Variants in BCORL1 observed in about 807,000 individuals in gnomAD.
BCORL1 encodes BCL6 corepressor like 1.
A neutral mutation model predicts 87.6 loss-of-function variants in BCORL1; 7 were observed. The observed-to-expected ratio is 0.08, with a 90% CI of 0.05 to 0.15. BCORL1 has a LOEUF of 0.15. Ranked by LOEUF, BCORL1 falls within the 10% of genes least tolerant of loss-of-function variation. BCORL1 has a pLI of 1.00. For missense variants in BCORL1, 1,215 were observed against 1,499.7 expected (o/e 0.81, Z 3.13); for synonymous variants, 591 against 634.4 (o/e 0.93, Z 1.03).
chrX:130,034,935 A>G (rs1930846419), intron 9 of BCORL1, among the ~76,000 whole-genome samples: 1 of 111,778 alleles, frequency 8.9e-6, no homozygotes, highest in Non-Finnish European at 1.9e-5. Flanking sequence ...ATTTTTGGAT[A>G]TCCACGTTGT....
chrX:129,997,690 G>T (rs1256700193), intron 1 of BCORL1, among the ~76,000 whole-genome samples: 1 of 106,167 alleles, frequency 9.4e-6, no homozygotes, highest in Non-Finnish European at 1.9e-5. Context: ...TACTCAGGAG[G>T]CTGAGACAGG....
chrX:129,984,397 G>C (rs2124294843), intron 1 of BCORL1, among the ~76,000 whole-genome samples: 1 of 109,720 alleles, frequency 9.1e-6, no homozygotes, highest in Non-Finnish European at 1.9e-5. Flanking sequence ...ACGACGACGA[G>C]GAGCCCCGGG....
rs1260566415 is a variant in BCORL1, at chrX:130,014,990, C to T, written c.2218C>T (p.Arg740Cys). 4 of 1,209,867 alleles carry T rather than the reference C, an allele frequency of 3.3e-6. No homozygotes were observed. Among genetic ancestry groups the T allele is most frequent in the Non-Finnish European group, 3.4e-6 (3 of 895,201 alleles). ...CAAAGACCCCAACCTGGGCCTCAACCGTGACCCCCGCCATCTCCCCAAGCA... is the reference window on the plus strand; with the variant it reads ...CAAAGACCCCAACCTGGGCCTCAACTGTGACCCCCGCCATCTCCCCAAGCA... ...LNKDPNLGLN[R>C]DPRHLPKQEP... The change falls in exon 4 of 14, where the codon CGT becomes TGT. Residue 740 changes from arginine (R) to cysteine (C), a missense_variant. Coordinates refer to ENST00000540052, the MANE Select transcript of BCORL1 (RefSeq NM_001379451.1).
At chrX:130,009,812 G>C (rs1329848141) in intron 2 of BCORL1, among the ~76,000 whole-genome samples, 1 of 111,055 alleles carries the variant, frequency 9.0e-6, no homozygotes, top group Non-Finnish European at 1.9e-5. Flanking sequence ...ACTGAAGCCT[G>C]CTATGACCTC....
In BCORL1 at chrX:130,013,002, A is replaced by T. The variant is rs756903033; in HGVS notation, c.230A>T (p.Asp77Val). The T allele has an allele frequency of 4.1e-6, 5 of 1,205,839 alleles. No individual in the cohort carries two copies. In the Admixed American group the frequency reaches 8.8e-5, roughly 21 times the overall value. The change falls in exon 4 of 14, where the codon GAT becomes GTT. Residue 77 changes from aspartate (D) to valine (V), a missense_variant. Transcript: ENST00000540052. The part of the protein sequence containing the change: ...SGSNARGADP[D>V]GSATEKLGHK... The stretch of plus-strand genomic sequence containing the variant: ...AGCAATGCCCGGGGGGCAGACCCAG[A>T]TGGCAGTGCTACAGAAAAACTTGGG...
Position 129,999,690 on chromosome X carries a change from C to A in BCORL1, c.-44-5498C>A, listed in dbSNP as rs182510085. Among the ~76,000 whole-genome samples, 341 of 101,497 alleles carry A rather than the reference C, an allele frequency of 3.4e-3. 3 individuals are homozygous for A. The highest frequency in any genetic ancestry group is 0.012 in the African/African-American group (324 of 26,843). 88.1% of individuals were successfully genotyped at this position (101,497 alleles called of 115,157 possible). On this transcript the variant is annotated intron_variant, in intron 1 of 13. Transcript: ENST00000540052. The stretch of plus-strand genomic sequence containing the variant: ...TGAGTCCTCTAATTCTTTTTCCCCC[C>A]CCCCAGACAGAGTCTTAACTGTCGC...
Position 130,051,917 on chromosome X carries a change from A to C in BCORL1, c.4976A>C (p.Gln1659Pro), listed in dbSNP as rs373569866. Residue 1659 changes from glutamine (Q) to proline (P), a missense_variant, in exon 13 of 14, where the codon CAA becomes CCA. Transcript: ENST00000540052. ...CATAATCCTCCTGGGAGCTCAGATC[A>C]AGAAGGAGACGATCCGATGGAGGAG... ...LLHNPPGSSDQEGDDPMEEDD... is the reference protein window; with the variant it reads ...LLHNPPGSSDPEGDDPMEEDD... 282 of 1,207,612 alleles carry C rather than the reference A, an allele frequency of 2.3e-4. 2 individuals are homozygous for C. In the South Asian group the frequency reaches 4.8e-3, roughly 20 times the overall value.
chrX:130,013,045 G>A lies in BCORL1; in HGVS notation c.273G>A (p.Lys91=), dbSNP rs1318423441. ...TEKLGHKSED[K]PDDPQPKMDY... The stretch of plus-strand genomic sequence containing the variant: ...AACTTGGGCACAAGTCAGAAGACAA[G>A]CCTGACGATCCCCAGCCAAAAATGG... Residue 91 remains lysine (K), a synonymous_variant, in exon 4 of 14, where the codon AAG becomes AAA. Transcript: ENST00000540052. The A allele has an allele frequency of 8.3e-7, 1 of 1,209,773 alleles. No homozygotes were observed. The highest frequency in any genetic ancestry group is 1.1e-6 in the Non-Finnish European group (1 of 894,475).
intron 8 of BCORL1, among the ~76,000 whole-genome samples, chrX:130,032,308 G>T (rs923598483): frequency 9.0e-6 from 1 of 111,081 alleles, no homozygotes; most frequent in Non-Finnish European, 1.9e-5. Context: ...TAGCTTGCTC[G>T]CATGGCTGGC....
chrX:130,011,262 G>A (rs878883560), intron 2 of BCORL1, among the ~76,000 whole-genome samples: 3 of 109,669 alleles, frequency 2.7e-5, no homozygotes, highest in Non-Finnish European at 5.7e-5. Flanking sequence ...TTTTGAGACA[G>A]GGTCTCACTC....
chrX:130,052,084 C>G (rs1332425568), intron 13 of BCORL1, 68 bp downstream of exon 13: 33 of 1,048,625 alleles, frequency 3.1e-5, no homozygotes, highest in Non-Finnish European at 4.2e-5. Flanking sequence ...AGGTGGAGTT[C>G]TCCACGAGGA....
chrX:129,981,784 G>A (rs1926112635), upstream of BCORL1: 1 of 107,264 alleles, frequency 9.3e-6, no homozygotes, highest in African/African-American at 3.4e-5. Flanking sequence ...GGGGATACTG[G>A]TGGGTAGGGG....
chrX:130,026,555 ATCT>A (rs761121548), intron 7 of BCORL1, among the ~76,000 whole-genome samples: 1 of 112,467 alleles, frequency 8.9e-6, no homozygotes, highest in African/African-American at 3.2e-5. Context: ...GTATCACCTA[ATCT>A]TCTCTAATGG....
Position 130,028,743 on chromosome X carries a change from C to T in BCORL1, c.4187C>T (p.Pro1396Leu). Reference sequence around the variant, plus strand: ...AAAGTCCAGGGGATCTCGGATTCACCAAACGGTTTCCTCCCAAATAACCTG... The same window carrying T: ...AAAGTCCAGGGGATCTCGGATTCACTAAACGGTTTCCTCCCAAATAACCTG... Reference protein sequence around the residue: ...PNKVQGISDSPNGFLPNNLEE... With the variant: ...PNKVQGISDSLNGFLPNNLEE... Residue 1396 changes from proline (P) to leucine (L), a missense_variant, in exon 8 of 14, where the codon CCA becomes CTA. Around this residue, in one of 5 missense-constraint regions of BCORL1, gnomAD observed 166 missense variants for 196.5 expected, o/e 0.84. Transcript: ENST00000540052. 1 of 1,210,644 alleles carries T rather than the reference C, an allele frequency of 8.3e-7. No individual in the cohort carries two copies. The highest frequency in any genetic ancestry group is 1.1e-6 in the Non-Finnish European group (1 of 895,008).
intron 1 of BCORL1, among the ~76,000 whole-genome samples, chrX:129,996,856 C>G (rs758707673): frequency 9.0e-6 from 1 of 110,945 alleles, no homozygotes; most frequent in East Asian, 2.8e-4. Context: ...TGGGCTCAAG[C>G]AGTCCTCCTG....
intron 11 of BCORL1, among the ~76,000 whole-genome samples, chrX:130,043,230 A>T (rs1052140069): frequency 2.7e-5 from 3 of 110,453 alleles, no homozygotes; most frequent in Non-Finnish European, 3.8e-5. Flanking sequence ...AGGTTTCACC[A>T]TGTTGGCCAG....
chrX:129,983,941 G>A (rs777041435), intron 1 of BCORL1, among the ~76,000 whole-genome samples: 37 of 109,797 alleles, frequency 3.4e-4, no homozygotes, highest in African/African-American at 1.1e-3. Flanking sequence ...GGCCCTTGGA[G>A]AAGGAGGGAG....
chrX:130,054,780 G>T (rs911453379), intron 13 of BCORL1, among the ~76,000 whole-genome samples: 1 of 110,744 alleles, frequency 9.0e-6, no homozygotes, highest in Non-Finnish European at 1.9e-5. Flanking sequence ...GCGTGGTCGT[G>T]GGTGCCTGTA....
intron 11 of BCORL1, among the ~76,000 whole-genome samples, chrX:130,043,035 T>C (rs1258188890): frequency 2.8e-5 from 3 of 107,231 alleles, no homozygotes; most frequent in Admixed American, 9.9e-5. Flanking sequence ...ACATTCTCTT[T>C]TTTTTTTTTT....
Sources: gnomAD v4.1 joint callset for allele counts (sites outside exome capture counted in the v4.1 genomes callset) on GRCh38, gnomAD v4.1.1 for gene constraint, gnomAD v4.1.1 regional missense constraint, MANE v1.5 for transcripts, NCBI Gene and HGNC (gene_info 2026-07-23, HGNC 2026-07-21) for gene names.